The following GREB1L variants were observed in gnomAD, a reference collection of about 807,000 sequenced individuals.
GREB1L encodes the protein GREB1 like retinoic acid receptor coactivator.
Under a neutral mutation model 200.8 loss-of-function variants are expected in GREB1L, and 17 were observed. The observed-to-expected ratio is 0.08, with a 90% CI of 0.06 to 0.13. The LOEUF is 0.13. Ranked by LOEUF, GREB1L falls within the 10% of genes least tolerant of loss-of-function variation. The pLI, the probability that GREB1L is intolerant of heterozygous loss-of-function variation, is 1.00. For missense variants in GREB1L, 1,657 were observed against 2,367.7 expected (o/e 0.70, Z 6.23); for synonymous variants, 789 against 893.0 (o/e 0.88, Z 2.08).
In GREB1L at chr18:21,427,362, G is replaced by A. The variant is rs961172408; in HGVS notation, c.833-12159G>A. On this transcript the variant is annotated intron_variant, in intron 7 of 32. Coordinates refer to ENST00000424526, the MANE Select transcript of GREB1L (RefSeq NM_001142966.3). ...CTACAAGAAATACAAAAAATTAGCC[G>A]GGCATGGTGGCATGTGCTTGTCATC... 4.6e-5 allele frequency among the ~76,000 whole-genome samples: 7 copies of A among 152,062 alleles called. No homozygotes were observed. In the East Asian group the frequency reaches 7.7e-4, roughly 17 times the overall value.
At chr18:21,283,781 T>C (rs909907110) in intron 1 of GREB1L, among the ~76,000 whole-genome samples, 3 of 152,188 alleles carry the variant, frequency 2.0e-5, no homozygotes, top group African/African-American at 7.2e-5. Flanking sequence ...TTAACTGTCT[T>C]TAGGATATGA....
intron 2 of GREB1L, among the ~76,000 whole-genome samples, chr18:21,373,935 G>C (rs1269095275): frequency 6.6e-6 from 1 of 151,342 alleles, no homozygotes; most frequent in Non-Finnish European, 1.5e-5. Context: ...TTTATGTTTG[G>C]TTTCTCTAAT....
intron 31 of GREB1L, among the ~76,000 whole-genome samples, chr18:21,520,171 C>T (rs180774501): frequency 2.5e-4 from 38 of 152,264 alleles, no homozygotes; most frequent in Admixed American, 5.9e-4. Flanking sequence ...CAACTCCTGA[C>T]CTCAGATGAT....
chr18:21,521,105 G>A (rs1403957799), intron 32 of GREB1L, among the ~76,000 whole-genome samples: 1 of 152,148 alleles, frequency 6.6e-6, no homozygotes, highest in African/African-American at 2.4e-5. Context: ...GCTGAGGCAG[G>A]AGAATGGCGT....
intron 1 of GREB1L, among the ~76,000 whole-genome samples, chr18:21,281,619 C>T (rs930961911): frequency 6.6e-6 from 1 of 152,134 alleles, no homozygotes; most frequent in Non-Finnish European, 1.5e-5. Flanking sequence ...TATAAACAGA[C>T]CCTTGCATAA....
intron 7 of GREB1L, among the ~76,000 whole-genome samples, chr18:21,407,465 G>A (rs1286666668): frequency 6.6e-6 from 1 of 152,132 alleles, no homozygotes; most frequent in Admixed American, 6.6e-5. Flanking sequence ...AGTATGAAAT[G>A]AGAGCTTAAA....
intron 17 of GREB1L, among the ~76,000 whole-genome samples, chr18:21,480,954 A>G (rs1396795961): frequency 2.0e-5 from 3 of 152,140 alleles, no homozygotes; most frequent in South Asian, 2.1e-4. Flanking sequence ...TGGGAGGCGG[A>G]GTTTGCAAAG....
intron 1 of GREB1L, among the ~76,000 whole-genome samples, chr18:21,253,175 G>C (rs2037740199): frequency 6.6e-6 from 1 of 151,614 alleles, no homozygotes; most frequent in Non-Finnish European, 1.5e-5. Context: ...CATGTTTTCT[G>C]GTTTACCATA....
At chr18:21,508,089 TTCCC>T in intron 25 of GREB1L, 25 bp from the exon 26 acceptor site, 1 of 1,547,898 alleles carries the variant, frequency 6.5e-7, no homozygotes, top group Non-Finnish European at 8.7e-7. Context: ...CTTACTTACG[TTCCC>T]TCCCTTTCTT....
intron 13 of GREB1L, among the ~76,000 whole-genome samples, chr18:21,451,596 C>T (rs2034529640): frequency 6.9e-6 from 1 of 145,762 alleles, no homozygotes; most frequent in African/African-American, 2.5e-5. Flanking sequence ...CGGGCTCAAG[C>T]GATCCTCCCA....
chr18:21,362,084 TATG>T (rs1216402217), intron 1 of GREB1L, among the ~76,000 whole-genome samples: 1 of 152,172 alleles, frequency 6.6e-6, no homozygotes, highest in Non-Finnish European at 1.5e-5. Context: ...TCTATTGTGA[TATG>T]ATTTTACATA....
chr18:21,453,255 G>T (rs992426627), intron 14 of GREB1L, among the ~76,000 whole-genome samples: 2 of 152,140 alleles, frequency 1.3e-5, no homozygotes, highest in African/African-American at 4.8e-5. Context: ...GACTATTTGG[G>T]CTTCTATTTA....
intron 7 of GREB1L, among the ~76,000 whole-genome samples, chr18:21,406,608 T>A (rs1340123658): frequency 6.6e-6 from 1 of 152,244 alleles, no homozygotes; most frequent in African/African-American, 2.4e-5. Flanking sequence ...AATATTAGCA[T>A]GTGCAGCACT....
chr18:21,274,944 A>G (rs115062123), intron 1 of GREB1L, among the ~76,000 whole-genome samples: 2,591 of 151,942 alleles, frequency 0.017, 63 homozygotes, highest in African/African-American at 0.052. Flanking sequence ...TGTAATAACA[A>G]TGAAAAAAAT....
chr18:21,422,055 C>T (rs1414410051), intron 7 of GREB1L, among the ~76,000 whole-genome samples: 1 of 152,176 alleles, frequency 6.6e-6, no homozygotes, highest in Non-Finnish European at 1.5e-5. Context: ...CTGTGACTTG[C>T]TCAAGGAACT....
intron 1 of GREB1L, among the ~76,000 whole-genome samples, chr18:21,243,605 A>G (rs1198406288): frequency 1.3e-5 from 2 of 152,226 alleles, no homozygotes; most frequent in Admixed American, 6.5e-5. Flanking sequence ...GTCCCCCTTA[A>G]TAAAACCTCT....
At chr18:21,449,348 T>TTAG (rs1423001476) in intron 11 of GREB1L, among the ~76,000 whole-genome samples, 162 bp from the exon 12 acceptor site, 5 of 152,152 alleles carry the variant, frequency 3.3e-5, no homozygotes, top group Non-Finnish European at 7.3e-5. Context: ...CAGGGAATGA[T>TTAG]TAGTAGGGAC....
At chr18:21,453,893 C>G (rs2034638678) in intron 14 of GREB1L, among the ~76,000 whole-genome samples, 1 of 152,184 alleles carries the variant, frequency 6.6e-6, no homozygotes. Flanking sequence ...ACTGTAGTGC[C>G]TTCCAGAAAA....
Position 21,439,732 on chromosome 18 carries a change from G to C in GREB1L, c.949+95G>C. On this transcript the variant is annotated intron_variant, in intron 8 of 32. Coordinates refer to ENST00000424526, the MANE Select transcript of GREB1L (RefSeq NM_001142966.3). ...ATGAATTATCTGGCAACACACTCTAGAGTTTTTTCTCAGTTCGTCATACAG... is the reference window on the plus strand; with the variant it reads ...ATGAATTATCTGGCAACACACTCTACAGTTTTTTCTCAGTTCGTCATACAG... The C allele has an allele frequency of 5.0e-6, 4 of 799,742 alleles. No homozygotes were observed. The South Asian group carries it at 6.3e-5, about 13-fold the overall frequency. 49.5% of individuals were successfully genotyped at this position (799,742 alleles called of 1,614,324 possible). A position where few individuals can be genotyped will look rare whatever the true frequency, so the allele number is the denominator to read the frequency against.
Sources: gnomAD v4.1 joint callset for allele counts (sites outside exome capture counted in the v4.1 genomes callset) on GRCh38, gnomAD v4.1.1 for gene constraint, MANE v1.5 for transcripts, NCBI Gene and HGNC (gene_info 2026-07-23, HGNC 2026-07-21) for gene names.